Variants in TMCO5A observed in about 807,000 individuals in gnomAD.
TMCO5A encodes the protein transmembrane and coiled-coil domain-containing protein 5A.
In TMCO5A, 34 loss-of-function variants were observed where a neutral mutation model predicts 42.3. That is an observed-to-expected ratio of 0.80 (90% confidence interval 0.61 to 1.07). TMCO5A has a LOEUF of 1.07. Ranked by LOEUF, TMCO5A falls within the 50% of genes least tolerant of loss-of-function variation. TMCO5A has a pLI of 0.00. For missense variants in TMCO5A, 357 were observed against 327.9 expected (o/e 1.09, Z -0.69); for synonymous variants, 131 against 115.6 (o/e 1.13, Z -0.86).
the TMCO5A span, among the ~76,000 whole-genome samples, chr15:37,983,134 A>G: frequency 6.6e-6 from 1 of 151,610 alleles, no homozygotes; most frequent in Admixed American, 6.5e-5. Flanking sequence ...GTGTGTCAGC[A>G]GACCCAGAAA....
chr15:37,963,298 T>C (rs1890478594), intron 11 of TMCO5A, among the ~76,000 whole-genome samples: 1 of 152,134 alleles, frequency 6.6e-6, no homozygotes, highest in Non-Finnish European at 1.5e-5. Context: ...CATCTTCATT[T>C]CATTTTTGAC....
At chr15:38,032,093 T>A in the TMCO5A span, among the ~76,000 whole-genome samples, 180 of 152,184 alleles carry the variant, frequency 1.2e-3, no homozygotes, top group Admixed American at 2.4e-3. Flanking sequence ...GTAGCTGGGA[T>A]TACAGGCATG....
At chr15:37,974,494 G>T in the TMCO5A span, among the ~76,000 whole-genome samples, 12 of 152,168 alleles carry the variant, frequency 7.9e-5, no homozygotes, top group African/African-American at 2.9e-4. Flanking sequence ...GGAGGCGTAG[G>T]TTTCCAAGAA....
chr15:38,017,958 T>C, the TMCO5A span, among the ~76,000 whole-genome samples: 1 of 152,148 alleles, frequency 6.6e-6, no homozygotes, highest in Non-Finnish European at 1.5e-5. Context: ...CTCTCTCTCT[T>C]GCTCTGCCAT....
the TMCO5A span, among the ~76,000 whole-genome samples, chr15:38,034,417 G>A: frequency 2.0e-5 from 3 of 152,110 alleles, no homozygotes. Flanking sequence ...TGTATACCTG[G>A]GACATTGAGT....
Position 37,936,443 on chromosome 15 carries a change from G to T in TMCO5A, c.120G>T (p.Glu40Asp), listed in dbSNP as rs753698372. 1.2e-5 allele frequency: 20 copies of T among 1,612,866 alleles called. No individual in the cohort carries two copies. Among genetic ancestry groups the T allele is most frequent in the Non-Finnish European group, 1.7e-5 (20 of 1,179,376 alleles). ...ANQKLLLKIQ[E>D]REDKIQRLES... ...AGAAACTTCTTCTCAAAATCCAAGA[G>T]AGGGAAGATAAGATTCAGAGGTGAG... The change falls in exon 3 of 12, where the codon GAG (glutamate) becomes GAT (aspartate). Residue 40 changes from glutamate (E) to aspartate (D), a missense_variant. Physicochemically the swap from Glu to Asp is conservative, Grantham distance 45. Coordinates refer to ENST00000319669, the MANE Select transcript of TMCO5A (RefSeq NM_152453.4).
At chr15:37,987,889 G>T in the TMCO5A span, among the ~76,000 whole-genome samples, 1 of 151,470 alleles carries the variant, frequency 6.6e-6, no homozygotes, top group East Asian at 1.9e-4. Flanking sequence ...TTCTATTTCT[G>T]CCCAAAAAAA....
the TMCO5A span, among the ~76,000 whole-genome samples, chr15:38,038,012 C>CAA: frequency 1.0e-5 from 1 of 100,240 alleles, no homozygotes; most frequent in African/African-American, 3.7e-5. Flanking sequence ...GACTCCGTCT[C>CAA]AAAAAAAAAA....
chr15:37,959,308 C>T (rs1489999101), intron 11 of TMCO5A, among the ~76,000 whole-genome samples: 1 of 151,852 alleles, frequency 6.6e-6, no homozygotes, highest in African/African-American at 2.4e-5. Flanking sequence ...CCTATTCAAA[C>T]TATTCCAAAA....
chr15:37,945,065 C>T (rs1343522923), intron 10 of TMCO5A, among the ~76,000 whole-genome samples: 6 of 152,036 alleles, frequency 3.9e-5, no homozygotes, highest in Non-Finnish European at 1.5e-5. Flanking sequence ...TGTGTTGTTC[C>T]CCTGCATGTG....
intron 11 of TMCO5A, among the ~76,000 whole-genome samples, chr15:37,949,364 A>G (rs1286486830): frequency 1.3e-5 from 2 of 152,168 alleles, no homozygotes; most frequent in Non-Finnish European, 2.9e-5. Context: ...AATATACTCT[A>G]TATGGAAGAA....
At chr15:37,979,850 G>C in the TMCO5A span, among the ~76,000 whole-genome samples, 1 of 152,048 alleles carries the variant, frequency 6.6e-6, no homozygotes. Flanking sequence ...GGGGTCCCAG[G>C]TTGGGAGGCC....
the TMCO5A span, among the ~76,000 whole-genome samples, chr15:37,990,582 C>G: frequency 6.6e-6 from 1 of 152,020 alleles, no homozygotes; most frequent in Non-Finnish European, 1.5e-5. Context: ...TTCTGCCAAT[C>G]TCTGTCTTTT....
chr15:37,941,586 C>T lies in TMCO5A; in HGVS notation c.445-85C>T. 5.1e-6 allele frequency: 5 copies of T among 988,644 alleles called. No individual in the cohort carries two copies. In the South Asian group the frequency reaches 6.4e-5, roughly 13 times the overall value. The allele number at this position is 988,644 out of a possible 1,614,324, so 61.2% of individuals were successfully genotyped here. ...AACAATTAGAAAACCACATTTAGGA[C>T]CTGGGACCCAAGAGAAAACAAGTAT... On this transcript the variant is annotated intron_variant, in intron 7 of 11. Coordinates refer to ENST00000319669, the MANE Select transcript of TMCO5A (RefSeq NM_152453.4).
At chr15:38,007,871 A>C in the TMCO5A span, among the ~76,000 whole-genome samples, 3 of 74,118 alleles carry the variant, frequency 4.0e-5, no homozygotes, top group Admixed American at 1.8e-4. Context: ...ACTCACCCAC[A>C]CTTTTTTTTT....
the TMCO5A span, among the ~76,000 whole-genome samples, chr15:38,010,726 C>T: frequency 8.8e-3 from 1,343 of 152,126 alleles, 8 homozygotes; most frequent in Non-Finnish European, 0.013. Context: ...ACCGGTGTAA[C>T]GATACTCTTT....
chr15:37,942,178 T>A lies in TMCO5A; in HGVS notation c.505-13T>A, dbSNP rs931792659. ...TAAGTAGTAACTGTGGCTTTCTTTG[T>A]TTCTCTTTGAAGAAGTACCAGGAAA... On this transcript the variant is annotated splice_polypyrimidine_tract_variant and intron_variant, in intron 8 of 11. Coordinates refer to ENST00000319669, the MANE Select transcript of TMCO5A (RefSeq NM_152453.4). 6.2e-7 allele frequency: 1 copy of A among 1,611,472 alleles called. No individual in the cohort carries two copies. The highest frequency in any genetic ancestry group is 8.5e-7 in the Non-Finnish European group (1 of 1,178,744).
At chr15:38,032,911 C>T in the TMCO5A span, among the ~76,000 whole-genome samples, 5 of 147,394 alleles carry the variant, frequency 3.4e-5, no homozygotes, top group South Asian at 1.1e-3. Flanking sequence ...TGATCTTTGT[C>T]ATGAAATTTG....
At chr15:37,939,557 A>T (rs1420371116) in intron 6 of TMCO5A, among the ~76,000 whole-genome samples, 1 of 152,120 alleles carries the variant, frequency 6.6e-6, no homozygotes, top group Non-Finnish European at 1.5e-5. Flanking sequence ...GGCTGCACTC[A>T]CATTGTCAGA....
Sources: gnomAD v4.1 joint callset for allele counts (sites outside exome capture counted in the v4.1 genomes callset) on GRCh38, gnomAD v4.1.1 for gene constraint, MANE v1.5 for transcripts, NCBI Gene and HGNC (gene_info 2026-07-23, HGNC 2026-07-21) for gene names.